GNL3L: variants seen among roughly 807,000 people sequenced by gnomAD.
The protein encoded by GNL3L is G protein nucleolar 3 like, also known as guanine nucleotide-binding protein-like 3-like protein.
Under a neutral mutation model 42.9 loss-of-function variants are expected in GNL3L, and 4 were observed. The ratio of observed to expected loss-of-function variants is 0.09; its 90% CI spans 0.05 to 0.21. GNL3L has a LOEUF of 0.21. Ranked by LOEUF, GNL3L falls within the 10% of genes least tolerant of loss-of-function variation. The pLI is 1.00. For missense variants in GNL3L, 412 were observed against 481.7 expected (o/e 0.86, Z 1.36); for synonymous variants, 159 against 176.3 (o/e 0.90, Z 0.78).
At chrX:54,569,253 G>A (rs1601997490), downstream of GNL3L, among the ~76,000 whole-genome samples, 1 of 111,754 alleles carries the variant, frequency 8.9e-6, no homozygotes, top group African/African-American at 3.2e-5. Context: ...GTTGGGAAGT[G>A]TTTCCTGTTT....
At chrX:54,586,399 C>T (rs1026079478) in intron 16 of GNL3L, among the ~76,000 whole-genome samples, 16 of 111,455 alleles carry the variant, frequency 1.4e-4, no homozygotes, top group African/African-American at 4.9e-4. Context: ...GCAGCAGCAG[C>T]AGCACAGTAG....
chrX:54,537,071 G>T (rs1160551190), intron 2 of GNL3L, among the ~76,000 whole-genome samples: 1 of 102,525 alleles, frequency 9.8e-6, no homozygotes, highest in African/African-American at 3.6e-5. Context: ...TGTCCAGGCT[G>T]GAGTGCAATG....
intron 16 of GNL3L, among the ~76,000 whole-genome samples, chrX:54,617,874 G>A (rs1277902358): frequency 9.0e-6 from 1 of 111,501 alleles, no homozygotes; most frequent in Non-Finnish European, 1.9e-5. Context: ...TTATTTATAA[G>A]CTATCCAGTT....
chrX:54,611,605 C>T (rs1164626750), intron 16 of GNL3L, among the ~76,000 whole-genome samples: 1 of 111,742 alleles, frequency 8.9e-6, no homozygotes, highest in Admixed American at 9.5e-5. Flanking sequence ...CATTTTTGAC[C>T]CAATGCTCAT....
downstream of GNL3L, among the ~76,000 whole-genome samples, chrX:54,568,545 T>C (rs867066046): frequency 8.2e-5 from 9 of 109,972 alleles, no homozygotes; most frequent in African/African-American, 2.3e-4. Context: ...AAAATAACTA[T>C]GTAGTATCTT....
At chrX:54,586,523 A>G (rs1399467969) in intron 16 of GNL3L, among the ~76,000 whole-genome samples, 1 of 111,881 alleles carries the variant, frequency 8.9e-6, no homozygotes, top group Non-Finnish European at 1.9e-5. Context: ...TGCCCCAAGG[A>G]CAAATTCCCC....
chrX:54,623,190 T>G (rs1926309477), downstream of GNL3L, among the ~76,000 whole-genome samples: 1 of 112,176 alleles, frequency 8.9e-6, no homozygotes, highest in East Asian at 2.8e-4. Context: ...TCATTTTGAC[T>G]ATTAAGGGCC....
chrX:54,615,707 T>C (rs1926213311), intron 16 of GNL3L, among the ~76,000 whole-genome samples: 1 of 109,327 alleles, frequency 9.1e-6, no homozygotes, highest in Non-Finnish European at 1.9e-5. Flanking sequence ...GTACTTGCTT[T>C]TTTTTTTTTT....
Position 54,560,593 on chromosome X carries a change from T to A in GNL3L, c.1740T>A (p.Val580=). ...LDLSGNADDG[V]GD ...TCTCTGGCAATGCTGATGATGGTGT[T>A]GGTGACTAATCGACTGATCTCACTT... is the stretch of plus-strand genomic sequence containing the variant. Residue 580 remains valine (V), a synonymous_variant, in exon 16 of 16, where the codon GTT becomes GTA. Transcript: ENST00000360845. The A allele has an allele frequency of 9.0e-7, 1 of 1,113,337 alleles. No individual in the cohort carries two copies. Among genetic ancestry groups the A allele is most frequent in the South Asian group, 1.8e-5 (1 of 54,724 alleles). 91.8% of individuals were successfully genotyped at this position (1,113,337 alleles called of 1,213,427 possible). A position where few individuals can be genotyped will look rare whatever the true frequency, so the allele number is the denominator to read the frequency against.
chrX:54,608,764 C>T (rs1355268803), intron 16 of GNL3L, among the ~76,000 whole-genome samples: 1 of 112,035 alleles, frequency 8.9e-6, no homozygotes, highest in East Asian at 2.8e-4. Flanking sequence ...TATTGATGGG[C>T]ATTTGGGTTG....
intron 14 of GNL3L, among the ~76,000 whole-genome samples, chrX:54,555,633 ATTTTTTTTTTTT>A (rs759334820): frequency 3.0e-5 from 2 of 66,381 alleles, no homozygotes; most frequent in African/African-American, 1.6e-4. Flanking sequence ...ACCATGCCTA[ATTTTTTTTTTTT>A]TTTTTTTTTT....
chrX:54,532,402 A>G, intron 1 of GNL3L, 118 bp from the exon 2 acceptor site: 1 of 474,085 alleles, frequency 2.1e-6, no homozygotes, highest in East Asian at 3.8e-5. Context: ...AGTTTTCCTA[A>G]TTATTACGCC....
chrX:54,586,271 C>T (rs769744855), intron 16 of GNL3L, among the ~76,000 whole-genome samples: 112 of 111,006 alleles, frequency 1.0e-3, no homozygotes, highest in Non-Finnish European at 1.7e-3. Flanking sequence ...TATGGGAGAG[C>T]CCCTTGACCC....
intron 16 of GNL3L, among the ~76,000 whole-genome samples, chrX:54,604,641 A>C (rs888749298): frequency 8.9e-6 from 1 of 111,930 alleles, no homozygotes; most frequent in Non-Finnish European, 1.9e-5. Context: ...CATTGACTCC[A>C]ACATTAAAAA....
Position 54,564,605 on chromosome X carries a change from A to C in GNL3L, c.*4003A>C. On this transcript the variant is annotated 3_prime_UTR_variant, in exon 16 of 16. Transcript: ENST00000360845. ...GTATTTTTAGTAGAGATGGGGTTTCACTGTTTTGGCCAGGCTGGTCTCGAA... is the reference window on the plus strand; with the variant it reads ...GTATTTTTAGTAGAGATGGGGTTTCCCTGTTTTGGCCAGGCTGGTCTCGAA... Among the ~76,000 whole-genome samples, 1 of 104,706 alleles carries C rather than the reference A, an allele frequency of 9.6e-6. No individual in the cohort carries two copies. The highest frequency in any genetic ancestry group is 1.9e-5 in the Non-Finnish European group (1 of 51,460). 90.9% of individuals were successfully genotyped at this position (104,706 alleles called of 115,157 possible).
intron 16 of GNL3L, among the ~76,000 whole-genome samples, chrX:54,592,947 A>C (rs1206900610): frequency 8.9e-6 from 1 of 112,045 alleles, no homozygotes; most frequent in Non-Finnish European, 1.9e-5. Flanking sequence ...ATGTTGAACC[A>C]TCCTTGTGTC....
chrX:54,616,145 G>A (rs1455422329), intron 16 of GNL3L, among the ~76,000 whole-genome samples: 1 of 112,664 alleles, frequency 8.9e-6, no homozygotes, highest in Non-Finnish European at 1.9e-5. Context: ...GTGAATAAGA[G>A]GTTCAGTGTT....
chrX:54,535,750 C>T (rs1924402536), intron 2 of GNL3L, among the ~76,000 whole-genome samples: 2 of 110,938 alleles, frequency 1.8e-5, no homozygotes, highest in Admixed American at 9.7e-5. Context: ...TATGCTTCTT[C>T]GATTTTAAGA....
Position 54,618,788 on chromosome X carries a change from T to C in GNL3L, c.*46-2057T>C, listed in dbSNP as rs192308189. ...GACATACACCTATCATCCCAGCTAC[T>C]TGGGAGGCTGAGTCAGGAGGATCTC... On this transcript the variant is annotated intron_variant, in intron 16 of 16. Coordinates refer to the GNL3L transcript ENST00000674498. 2.3e-4 allele frequency among the ~76,000 whole-genome samples: 26 copies of C among 111,461 alleles called. 1 individual carries two copies. The highest frequency in any genetic ancestry group is 7.8e-4 in the African/African-American group (24 of 30,645).
Sources: gnomAD v4.1 joint callset for allele counts (sites outside exome capture counted in the v4.1 genomes callset) on GRCh38, gnomAD v4.1.1 for gene constraint, MANE v1.5 for transcripts, NCBI Gene and HGNC (gene_info 2026-07-23, HGNC 2026-07-21) for gene names.